Variants in CELF2 observed in about 807,000 individuals in gnomAD.
CELF2 encodes the protein CUG triplet repeat RNA-binding protein 2.
In CELF2, 8 loss-of-function variants were observed where a neutral mutation model predicts 62.6. The ratio of observed to expected loss-of-function variants is 0.13; its 90% CI spans 0.07 to 0.23. The LOEUF (loss-of-function observed/expected upper bound fraction) is 0.23, where lower values mean the gene tolerates loss of function less well. Among genes scored for constraint, CELF2 ranks in the 10% least tolerant of loss-of-function variants. The probability of loss-of-function intolerance (pLI) is 1.00; values close to 1 mark genes in which losing one functional copy is unlikely to be tolerated. For missense variants in CELF2, 333 were observed against 671.0 expected, an observed-to-expected ratio of 0.50 and a Z score of 5.56; for synonymous variants, 258 against 250.0, an observed-to-expected ratio of 1.03 and a Z score of -0.30.
chr10:10,914,685 G>T (rs2064158753), intron 1 of CELF2, among the ~76,000 whole-genome samples: 1 of 152,136 alleles, frequency 6.6e-6, no homozygotes, highest in Non-Finnish European at 1.5e-5. Flanking sequence ...AGACCCTGAA[G>T]AGGTCAAATG....
In CELF2 at chr10:11,334,318, T is replaced by C. The variant is rs539459438; in HGVS notation, c.*5265T>C. 3.9e-5 allele frequency: 6 copies of C among 152,636 alleles called. No individual in the cohort carries two copies. Among genetic ancestry groups the C allele is most frequent in the Non-Finnish European group, 8.8e-5 (6 of 68,030 alleles). 9.5% of individuals were successfully genotyped at this position (152,636 alleles called of 1,614,324 possible). ...TAATGTATGTTATTGTGTGATGCAG[T>C]TTTTTGCTTCTGTCTCCAATATTAA... On this transcript the variant is annotated 3_prime_UTR_variant, in exon 13 of 13. Coordinates refer to ENST00000633077, the MANE Select transcript of CELF2 (RefSeq NM_001326342.2).
At chr10:11,089,175 G>A (rs1291815) in intron 1 of CELF2, among the ~76,000 whole-genome samples, 30,216 of 152,138 alleles carry the variant, frequency 0.2, 4,974 homozygotes, top group African/African-American at 0.45. Flanking sequence ...ACTGTCATTG[G>A]GGATGGCAGG....
the CELF2 span, among the ~76,000 whole-genome samples, chr10:10,706,874 T>A: frequency 1.5e-3 from 225 of 152,324 alleles, 1 homozygote; most frequent in East Asian, 0.025. Context: ...GCAAAGATAT[T>A]ACCATCTCTG....
chr10:10,876,415 A>G (rs548476014), intron 1 of CELF2, among the ~76,000 whole-genome samples: 1 of 152,284 alleles, frequency 6.6e-6, no homozygotes, highest in East Asian at 1.9e-4. Flanking sequence ...GTCTTCTCAG[A>G]CACAAGGAAT....
rs1195289738 is a variant in CELF2, at chr10:11,177,464, A to G, written c.271+11782A>G. Among the ~76,000 whole-genome samples, 1 of 151,926 alleles carries G rather than the reference A, an allele frequency of 6.6e-6. No homozygotes were observed. The highest frequency in any genetic ancestry group is 1.5e-5 in the Non-Finnish European group (1 of 67,998). ...AAAATTAGGTTATTAAAAGGAGGAT[A>G]TGAACCAAAATGTTGGCATGAATTA... On this transcript the variant is annotated intron_variant, in intron 2 of 12. Transcript: ENST00000633077. The surrounding 1 kb of genome is among the most constrained non-coding windows in gnomAD (Gnocchi z 4.8).
chr10:11,322,007 C>T (rs1358002747), intron 11 of CELF2, among the ~76,000 whole-genome samples: 1 of 152,236 alleles, frequency 6.6e-6, no homozygotes, highest in African/African-American at 2.4e-5. Context: ...CCATAAACTA[C>T]TTCATAGCTG....
chr10:11,071,614 C>T (rs2070045900), intron 1 of CELF2: 1 of 152,164 alleles, frequency 6.6e-6, no homozygotes, highest in African/African-American at 2.4e-5. Flanking sequence ...AGTACACAGC[C>T]AATTCAAGAT....
chr10:10,678,222 T>C, the CELF2 span, among the ~76,000 whole-genome samples: 2 of 152,030 alleles, frequency 1.3e-5, no homozygotes, highest in Non-Finnish European at 2.9e-5. Context: ...GTGTTTTAGG[T>C]TTGTTTGATT....
intron 2 of CELF2, among the ~76,000 whole-genome samples, chr10:10,954,933 A>T (rs1293085132): frequency 6.6e-6 from 1 of 152,260 alleles, no homozygotes; most frequent in Non-Finnish European, 1.5e-5. Context: ...TATCGTTTTA[A>T]AAAGATAAAT....
intron 3 of CELF2, among the ~76,000 whole-genome samples, chr10:11,235,662 G>C (rs17524661): frequency 0.34 from 51,557 of 152,036 alleles, 10,591 homozygotes; most frequent in Middle Eastern, 0.47. Flanking sequence ...TATGGAAGAC[G>C]AGATGAATAA....
chr10:11,092,038 C>T (rs1037158020), intron 1 of CELF2, among the ~76,000 whole-genome samples: 1 of 151,244 alleles, frequency 6.6e-6, no homozygotes, highest in East Asian at 1.9e-4. Context: ...TTCAACTAGA[C>T]ATACATCTAG....
At chr10:10,584,738 G>T in the CELF2 span, among the ~76,000 whole-genome samples, 6 of 152,308 alleles carry the variant, frequency 3.9e-5, no homozygotes, top group East Asian at 1.2e-3. Flanking sequence ...ATAACTTTCT[G>T]AGATGAGGAA....
the CELF2 span, among the ~76,000 whole-genome samples, chr10:10,640,586 T>C: frequency 6.6e-6 from 1 of 152,212 alleles, no homozygotes; most frequent in African/African-American, 2.4e-5. Flanking sequence ...TACTCTGTAG[T>C]CTTGTGAGTT....
chr10:10,864,818 C>G (rs548517110), intron 1 of CELF2, among the ~76,000 whole-genome samples: 55 of 152,302 alleles, frequency 3.6e-4, no homozygotes, highest in Non-Finnish European at 6.0e-4. Flanking sequence ...CATATTCACA[C>G]TACTTCATGT....
the CELF2 span, among the ~76,000 whole-genome samples, chr10:10,472,150 G>A: frequency 1.3e-5 from 2 of 151,640 alleles, no homozygotes; most frequent in Non-Finnish European, 2.9e-5. Flanking sequence ...GCCAAATTTG[G>A]GGGAAATTCT....
At chr10:11,264,230 A>G (rs2138247283) in intron 5 of CELF2, among the ~76,000 whole-genome samples, 1 of 152,344 alleles carries the variant, frequency 6.6e-6, no homozygotes, top group Middle Eastern at 3.4e-3. Context: ...TCTATTGGTA[A>G]TACTTCTCTT....
the CELF2 span, among the ~76,000 whole-genome samples, chr10:10,462,615 C>CTTTTTTTTTTTTTTTT: frequency 2.2e-4 from 15 of 69,416 alleles, no homozygotes; most frequent in Non-Finnish European, 2.3e-4. Context: ...TTTTTTTCAT[C>CTTTTTTTTTTTTTTTT]TTTTTTTTTT....
At chr10:10,484,820 A>G in the CELF2 span, among the ~76,000 whole-genome samples, 3 of 152,148 alleles carry the variant, frequency 2.0e-5, no homozygotes, top group Admixed American at 2.0e-4. Context: ...AATTAGCACA[A>G]CTAATAATTA....
intron 2 of CELF2, among the ~76,000 whole-genome samples, chr10:11,203,428 C>T (rs1341339399): frequency 6.6e-6 from 1 of 152,180 alleles, no homozygotes; most frequent in East Asian, 1.9e-4. Flanking sequence ...TATCCATAAT[C>T]AGGTACACTT....
Sources: gnomAD v4.1 joint callset for allele counts (sites outside exome capture counted in the v4.1 genomes callset) on GRCh38, gnomAD v4.1.1 for gene constraint, Gnocchi (gnomAD v3.1) non-coding constraint, MANE v1.5 for transcripts, NCBI Gene and HGNC (gene_info 2026-07-23, HGNC 2026-07-21) for gene names.